FRMD4A: variants seen among roughly 807,000 people sequenced by gnomAD.
FRMD4A encodes the protein FERM domain-containing protein 4A.
A neutral mutation model predicts 129.1 loss-of-function variants in FRMD4A; 29 were observed. The ratio of observed to expected loss-of-function variants is 0.22; its 90% CI spans 0.17 to 0.31. The LOEUF (loss-of-function observed/expected upper bound fraction) is 0.31. Among genes scored for constraint, FRMD4A ranks in the 10% least tolerant of loss-of-function variants. The pLI, the probability that FRMD4A is intolerant of heterozygous loss-of-function variation, is 1.00. For synonymous variants in FRMD4A, 634 were observed against 571.6 expected (o/e 1.11, Z -1.56); for missense variants, 1,272 against 1,375.8 (o/e 0.92, Z 1.19).
At chr10:14,121,661 C>T (rs1276557336) in intron 2 of FRMD4A, among the ~76,000 whole-genome samples, 12 of 152,170 alleles carry the variant, frequency 7.9e-5, no homozygotes, top group Admixed American at 7.9e-4. Flanking sequence ...CTCCCTCCTC[C>T]CCTGGAACTT....
At chr10:14,259,719 G>T (rs1195149940) in intron 2 of FRMD4A, among the ~76,000 whole-genome samples, 2 of 152,136 alleles carry the variant, frequency 1.3e-5, no homozygotes, top group Admixed American at 6.6e-5. Context: ...CATGCACAAA[G>T]AGTTGGTTGC....
chr10:13,796,332 C>T (rs1406743640), intron 5 of FRMD4A, among the ~76,000 whole-genome samples, 164 bp downstream of exon 5: 2 of 152,178 alleles, frequency 1.3e-5, no homozygotes, highest in African/African-American at 2.4e-5. Context: ...CACCCTCGCA[C>T]CCCGCCTTTC....
intron 3 of FRMD4A, among the ~76,000 whole-genome samples, chr10:13,817,384 C>T (rs2093561508): frequency 6.6e-6 from 1 of 152,204 alleles, no homozygotes; most frequent in African/African-American, 2.4e-5. Flanking sequence ...TACTTCCTGG[C>T]CTGCTTCTTC....
At position 14,311,792 on chromosome 10, in the gene FRMD4A, T is replaced by C. The variant is rs188857953; in HGVS notation, c.45+18266A>G. 9.9e-5 allele frequency among the ~76,000 whole-genome samples: 15 copies of C among 152,278 alleles called. No homozygotes were observed. In the East Asian group the frequency reaches 2.7e-3, roughly 27 times the overall value. ...CCTATGCAAAGTGATTTCTTCCTTCTTTGTATTTCCAAGCATGAATAAACT... is the reference window on the plus strand; with the variant it reads ...CCTATGCAAAGTGATTTCTTCCTTCCTTGTATTTCCAAGCATGAATAAACT... On this transcript the variant is annotated intron_variant, in intron 2 of 24. Transcript: ENST00000357447.
intron 2 of FRMD4A, among the ~76,000 whole-genome samples, chr10:14,164,352 G>A (rs1046077360): frequency 4.6e-5 from 7 of 152,158 alleles, no homozygotes; most frequent in African/African-American, 1.2e-4. Context: ...GCCCTGTGCC[G>A]GGTCCCTGTG....
chr10:13,935,970 G>A lies in FRMD4A; in HGVS notation c.46-77058C>T, dbSNP rs541039507. On this transcript the variant is annotated intron_variant, in intron 2 of 24. Coordinates refer to ENST00000357447, the MANE Select transcript of FRMD4A (RefSeq NM_018027.5). ...CCTTTGTCCCCCTTCAGCTGCCATG[G>A]TAGATTTGTATAACTAAAGGGAAAT... 6.6e-5 allele frequency among the ~76,000 whole-genome samples: 10 copies of A among 152,318 alleles called. No homozygotes were observed. In the South Asian group the frequency reaches 1.9e-3, roughly 28 times the overall value.
intron 11 of FRMD4A, among the ~76,000 whole-genome samples, chr10:13,739,906 C>T (rs991991980): frequency 5.3e-5 from 8 of 152,194 alleles, no homozygotes; most frequent in African/African-American, 1.9e-4. Flanking sequence ...TCCAGACCAG[C>T]CTGGCCAACA....
intron 2 of FRMD4A, among the ~76,000 whole-genome samples, chr10:13,959,634 G>A (rs1385331181): frequency 6.6e-6 from 1 of 151,954 alleles, no homozygotes; most frequent in African/African-American, 2.4e-5. Context: ...TGTTTCATGG[G>A]TTTACCCGCT....
chr10:13,657,216 G>C lies in FRMD4A; in HGVS notation c.2373C>G (p.Gly791=). The part of the protein sequence containing the change: ...QRQRQRQRAA[G]ALGSASSGSM... ...TGCCCGAGCTGGCTGAGCCCAGTGC[G>C]CCCGCCGCCCGCTGCCGCTGCCTCT... The change falls in exon 22 of 25, where the codon GGC becomes GGG. Residue 791 remains glycine (G), a synonymous_variant. Transcript: ENST00000357447. 1 of 1,551,786 alleles carries C rather than the reference G, an allele frequency of 6.4e-7. No homozygotes were observed. The highest frequency in any genetic ancestry group is 1.2e-5 in the South Asian group (1 of 85,150).
chr10:13,679,474 T>TATACACACACACACACAC lies in FRMD4A; in HGVS notation c.1118-4431_1118-4430insGTGTGTGTGTGTGTGTAT, dbSNP rs1308155926. Among the ~76,000 whole-genome samples the TATACACACACACACACAC allele has an allele frequency of 6.2e-3, 196 of 31,466 alleles. 4 individuals carry two copies. Among genetic ancestry groups the TATACACACACACACACAC allele is most frequent in the East Asian group, 0.022 (7 of 320 alleles). The allele number at this position is 31,466 out of a possible 152,430, so 20.6% of individuals were successfully genotyped here. A position where few individuals can be genotyped will look rare whatever the true frequency, so the allele number is the denominator to read the frequency against. The stretch of plus-strand genomic sequence containing the variant: ...AAAAAAAAAAAAATATATATATATA[T>TATACACACACACACACAC]ACACACACACACACACACACACACA... On this transcript the variant is annotated intron_variant, in intron 15 of 24. Coordinates refer to ENST00000357447, the MANE Select transcript of FRMD4A (RefSeq NM_018027.5).
intron 3 of FRMD4A, among the ~76,000 whole-genome samples, chr10:13,833,039 T>C (rs559436431): frequency 6.6e-6 from 1 of 152,336 alleles, no homozygotes; most frequent in Non-Finnish European, 1.5e-5. Context: ...TTCACACATA[T>C]GTCTCCCTGG....
At chr10:14,263,745 T>C (rs1844884609) in intron 2 of FRMD4A, among the ~76,000 whole-genome samples, 1 of 152,106 alleles carries the variant, frequency 6.6e-6, no homozygotes, top group Non-Finnish European at 1.5e-5. Flanking sequence ...AGGAGGCCCC[T>C]GGAGTCGCCA....
At chr10:14,046,352 A>G (rs547283612) in intron 2 of FRMD4A, among the ~76,000 whole-genome samples, 1 of 152,306 alleles carries the variant, frequency 6.6e-6, no homozygotes, top group South Asian at 2.1e-4. Flanking sequence ...CTAGAGCTGA[A>G]AGTTTGTTAA....
At chr10:14,176,392 A>G (rs1056562100) in intron 2 of FRMD4A, among the ~76,000 whole-genome samples, 4 of 148,778 alleles carry the variant, frequency 2.7e-5, no homozygotes, top group African/African-American at 1.0e-4. Context: ...CTAACTGTAC[A>G]CCCATGATCA....
chr10:13,814,124 C>A (rs2093495305), intron 3 of FRMD4A, among the ~76,000 whole-genome samples: 1 of 151,898 alleles, frequency 6.6e-6, no homozygotes, highest in Non-Finnish European at 1.5e-5. Context: ...CACTTAAAGT[C>A]AAGTCTAGTG....
intron 16 of FRMD4A, among the ~76,000 whole-genome samples, chr10:13,673,018 A>AT (rs1166715098): frequency 3.3e-5 from 5 of 151,990 alleles, no homozygotes; most frequent in South Asian, 2.1e-4. Flanking sequence ...CGATGGTGAG[A>AT]TTTTTTTATA....
intron 15 of FRMD4A, among the ~76,000 whole-genome samples, chr10:13,689,074 G>C (rs866355418): frequency 6.6e-6 from 1 of 151,694 alleles, no homozygotes; most frequent in Non-Finnish European, 1.5e-5. Context: ...CCAAGTACTA[G>C]ACTTCAGTAG....
At chr10:13,693,422 T>G in intron 15 of FRMD4A, 3 of 729,934 alleles carry the variant, frequency 4.1e-6, no homozygotes, top group Non-Finnish European at 1.8e-6. Context: ...AATGGAGAAA[T>G]CATGCCCTGC....
chr10:14,120,956 T>C (rs1040230013), intron 2 of FRMD4A, among the ~76,000 whole-genome samples: 2 of 152,162 alleles, frequency 1.3e-5, no homozygotes, highest in African/African-American at 4.8e-5. Context: ...AGCAATGGGA[T>C]TTAAGAGCAG....
Sources: allele counts gnomAD v4.1 joint callset (sites outside exome capture counted in the v4.1 genomes callset), GRCh38; gene constraint gnomAD v4.1.1; transcripts MANE v1.5; gene names NCBI Gene and HGNC (gene_info 2026-07-23, HGNC 2026-07-21).